Variants in GRIP1 observed in about 807,000 individuals in gnomAD.
GRIP1 encodes glutamate receptor-interacting protein 1.
In GRIP1, 45 loss-of-function variants were observed where a neutral mutation model predicts 129.9. The observed-to-expected ratio is 0.35, with a 90% confidence interval of 0.27 to 0.44. The LOEUF (loss-of-function observed/expected upper bound fraction) is 0.44. GRIP1 is among the 20% of genes least tolerant of loss of function. The probability of loss-of-function intolerance (pLI) is 1.00; values close to 1 mark genes in which losing one functional copy is unlikely to be tolerated. For missense variants in GRIP1, 1,196 were observed against 1,396.8 expected (o/e 0.86, Z 2.29); for synonymous variants, 530 against 520.8 (o/e 1.02, Z -0.24).
intron 4 of GRIP1, among the ~76,000 whole-genome samples, chr12:66,530,625 T>G (rs1389943170): frequency 6.6e-6 from 1 of 152,164 alleles, no homozygotes; most frequent in African/African-American, 2.4e-5. Flanking sequence ...TACATACATG[T>G]ATGATGGTAT....
intron 1 of GRIP1, among the ~76,000 whole-genome samples, chr12:66,788,052 G>A (rs532472185): frequency 2.0e-5 from 3 of 152,100 alleles, no homozygotes; most frequent in African/African-American, 7.2e-5. Flanking sequence ...GTCAACTGGA[G>A]TATTTCACAC....
chr12:66,896,759 G>C (rs774325897), intron 1 of GRIP1, among the ~76,000 whole-genome samples: 1 of 152,198 alleles, frequency 6.6e-6, no homozygotes. Flanking sequence ...AGAATCAAGA[G>C]AGTTCTAAGT....
At chr12:66,562,788 C>T (rs986248947) in intron 2 of GRIP1, among the ~76,000 whole-genome samples, 19 of 152,116 alleles carry the variant, frequency 1.2e-4, no homozygotes, top group Non-Finnish European at 5.9e-5. Flanking sequence ...TTGACTATCC[C>T]AAAACTTAAC....
At chr12:66,788,218 A>C (rs2038418771) in intron 1 of GRIP1, among the ~76,000 whole-genome samples, 1 of 152,028 alleles carries the variant, frequency 6.6e-6, no homozygotes, top group Admixed American at 6.6e-5. Flanking sequence ...TGTTAAATAC[A>C]AAAAACACAA....
At chr12:66,361,167 C>G (rs1156661623) in intron 23 of GRIP1, among the ~76,000 whole-genome samples, 1 of 152,190 alleles carries the variant, frequency 6.6e-6, no homozygotes. Flanking sequence ...GTTTATACTA[C>G]TAGAAACTCA....
At position 66,418,322 on chromosome 12, in the gene GRIP1, A is replaced by G. The variant is rs949109699; in HGVS notation, c.1838+2398T>C. On this transcript the variant is annotated intron_variant, in intron 15 of 24. Transcript: ENST00000359742. ...ATTAACAACTTAAATCTAAGACTTCAAACTATGACACTACCACAAGAAAAC... is the reference window on the plus strand; with the variant it reads ...ATTAACAACTTAAATCTAAGACTTCGAACTATGACACTACCACAAGAAAAC... Among the ~76,000 whole-genome samples the G allele has an allele frequency of 2.6e-5, 4 of 152,224 alleles. No homozygotes were observed. The East Asian group carries it at 5.8e-4, about 22-fold the overall frequency.
chr12:66,893,990 G>A (rs1248164386), intron 1 of GRIP1, among the ~76,000 whole-genome samples: 1 of 151,954 alleles, frequency 6.6e-6, no homozygotes, highest in Non-Finnish European at 1.5e-5. Context: ...CAGCCACACT[G>A]GTCTCCTTTC....
chr12:66,824,519 C>T (rs1207959679), intron 1 of GRIP1, among the ~76,000 whole-genome samples: 1 of 152,156 alleles, frequency 6.6e-6, no homozygotes, highest in Non-Finnish European at 1.5e-5. Context: ...GAAGCCCAAA[C>T]ACCACCTCCC....
chr12:66,793,951 T>C (rs138492517), intron 1 of GRIP1, among the ~76,000 whole-genome samples: 23 of 152,310 alleles, frequency 1.5e-4, no homozygotes, highest in Middle Eastern at 3.4e-3. Context: ...TTACGAAGCA[T>C]AGGGCCTAGC....
chr12:66,577,430 T>C (rs577237532), intron 2 of GRIP1, among the ~76,000 whole-genome samples: 1 of 152,240 alleles, frequency 6.6e-6, no homozygotes, highest in African/African-American at 2.4e-5. Context: ...AATATGTGTA[T>C]GTGATGCACG....
chr12:66,451,820 T>C (rs1240576461), intron 11 of GRIP1, among the ~76,000 whole-genome samples: 1 of 152,196 alleles, frequency 6.6e-6, no homozygotes, highest in Non-Finnish European at 1.5e-5. Context: ...AACAGCTCCT[T>C]TGTCCAAATG....
At chr12:66,480,155 T>C (rs920979439) in intron 7 of GRIP1, among the ~76,000 whole-genome samples, 2 of 152,234 alleles carry the variant, frequency 1.3e-5, no homozygotes, top group Non-Finnish European at 2.9e-5. Flanking sequence ...GACATCATTG[T>C]ATATTTAGAA....
At chr12:66,931,199 G>A (rs908416244) in intron 1 of GRIP1, among the ~76,000 whole-genome samples, 12 of 152,236 alleles carry the variant, frequency 7.9e-5, no homozygotes, top group African/African-American at 1.2e-4. Flanking sequence ...AGAACTAGAG[G>A]AAGAGAGGGA....
chr12:66,967,950 C>A (rs2042020237), intron 1 of GRIP1, among the ~76,000 whole-genome samples: 4 of 152,242 alleles, frequency 2.6e-5, no homozygotes, highest in Admixed American at 2.6e-4. Context: ...TCAATTAGAT[C>A]AAGCTGACTG....
chr12:66,720,909 A>G (rs2036037855), intron 1 of GRIP1, among the ~76,000 whole-genome samples: 1 of 152,168 alleles, frequency 6.6e-6, no homozygotes, highest in Non-Finnish European at 1.5e-5. Flanking sequence ...TGAATCACAA[A>G]TGTTCTGACT....
At chr12:66,968,234 TCTG>T (rs2042024183) in intron 1 of GRIP1, among the ~76,000 whole-genome samples, 1 of 152,188 alleles carries the variant, frequency 6.6e-6, no homozygotes, top group Non-Finnish European at 1.5e-5. Context: ...TGTACTGAAG[TCTG>T]CTTTGTCTAA....
Position 66,455,445 on chromosome 12 carries a change from T to C in GRIP1, c.1318A>G (p.Arg440Gly). Residue 440 changes from arginine to glycine, a missense_variant, in exon 11 of 25, where the codon AGG (arginine) becomes GGG (glycine). Physicochemically the swap from Arg to Gly is moderately radical, Grantham distance 125. Transcript: ENST00000359742. ...YSTSPRGTMM[R>G]RRLKKKDFKS... is the part of the protein sequence containing the mutation. ...AAGTCTTTCTTTTTCAGTCTCCTCC[T>C]CATCATGGTTCCACGTGGGCTGGTG... 1 of 1,614,144 alleles carries C rather than the reference T, an allele frequency of 6.2e-7. No homozygotes were observed. Among genetic ancestry groups the C allele is most frequent in the South Asian group, 1.1e-5 (1 of 91,082 alleles).
At chr12:66,453,924 T>G (rs2058878916) in intron 11 of GRIP1, among the ~76,000 whole-genome samples, 1 of 152,320 alleles carries the variant, frequency 6.6e-6, no homozygotes, top group East Asian at 1.9e-4. Flanking sequence ...AATAATTTAC[T>G]CTAGTGTCAG....
chr12:66,476,351 C>T (rs2059611495), intron 7 of GRIP1, among the ~76,000 whole-genome samples: 1 of 152,048 alleles, frequency 6.6e-6, no homozygotes, highest in African/African-American at 2.4e-5. Context: ...CAATAACAGG[C>T]TCTGAAATTG....
Sources: allele counts gnomAD v4.1 joint callset (sites outside exome capture counted in the v4.1 genomes callset), GRCh38; gene constraint gnomAD v4.1.1; transcripts MANE v1.5; gene names NCBI Gene and HGNC (gene_info 2026-07-23, HGNC 2026-07-21).